The following SLC45A4 variants were observed in gnomAD, a reference collection of about 807,000 sequenced individuals.
SLC45A4 encodes polyamine-transporter SLC45A4.
Under a neutral mutation model 63.7 loss-of-function variants are expected in SLC45A4, and 32 were observed. That is an observed-to-expected ratio of 0.50 (90% CI 0.38 to 0.67). SLC45A4 has a LOEUF of 0.67. SLC45A4 is among the 30% of genes least tolerant of loss of function. SLC45A4 has a pLI of 0.00. For missense variants in SLC45A4, 1,027 were observed against 1,157.7 expected (o/e 0.89, Z 1.64); for synonymous variants, 535 against 510.0 (o/e 1.05, Z -0.66).
intron 1 of SLC45A4, among the ~76,000 whole-genome samples, chr8:141,307,407 C>A (rs1339045364): frequency 6.6e-6 from 1 of 152,106 alleles, no homozygotes; most frequent in African/African-American, 2.4e-5. Flanking sequence ...GAGCGCAGTG[C>A]CGATGAGACC....
intron 1 of SLC45A4, among the ~76,000 whole-genome samples, chr8:141,289,098 C>T (rs1319662029): frequency 6.6e-6 from 1 of 152,122 alleles, no homozygotes; most frequent in East Asian, 1.9e-4. Flanking sequence ...GCCAGGTGCG[C>T]GATGGAGTCA....
intron 2 of SLC45A4, among the ~76,000 whole-genome samples, chr8:141,232,840 T>C (rs1827434363): frequency 6.6e-6 from 1 of 152,230 alleles, no homozygotes; most frequent in Non-Finnish European, 1.5e-5. Flanking sequence ...ACGCACTCAA[T>C]GGCTCCCGGG....
At chr8:141,213,702 A>G (rs1213020864) in intron 7 of SLC45A4, among the ~76,000 whole-genome samples, 2 of 152,260 alleles carry the variant, frequency 1.3e-5, no homozygotes, top group East Asian at 1.9e-4. Context: ...TGAACGCGCA[A>G]GCACGCGGAC....
At chr8:141,253,693 G>A (rs1479456897) in intron 2 of SLC45A4, among the ~76,000 whole-genome samples, 1 of 152,202 alleles carries the variant, frequency 6.6e-6, no homozygotes, top group East Asian at 1.9e-4. Flanking sequence ...CGGGAGAGGT[G>A]AGCCCCGGCC....
At chr8:141,296,704 C>A (rs1210381939) in intron 1 of SLC45A4, among the ~76,000 whole-genome samples, 1 of 149,442 alleles carries the variant, frequency 6.7e-6, no homozygotes, top group African/African-American at 2.5e-5. Context: ...GGTGTGGTGG[C>A]GCACACCTGT....
At chr8:141,269,199 C>T (rs111253689) in intron 1 of SLC45A4, among the ~76,000 whole-genome samples, 2 of 152,262 alleles carry the variant, frequency 1.3e-5, no homozygotes, top group African/African-American at 4.8e-5. Context: ...CGCTTTCACC[C>T]TCAAGAGTGT....
Position 141,215,494 on chromosome 8 carries a change from C to A in SLC45A4, c.1941+265G>T, listed in dbSNP as rs1222867636. ...ACTGGGCCTGAGGGGACCAAAGGGG[C>A]AGGGACAGTGCTTTTGCCTCCAGAA... is the stretch of plus-strand genomic sequence containing the variant. On this transcript the variant is annotated intron_variant, in intron 7 of 8. Transcript: ENST00000517878. The surrounding 1 kb of genome is among the most constrained non-coding windows in gnomAD (Gnocchi z 4.3). 6.6e-6 allele frequency among the ~76,000 whole-genome samples: 1 copy of A among 151,822 alleles called. No homozygotes were observed. The highest frequency in any genetic ancestry group is 1.5e-5 in the Non-Finnish European group (1 of 67,984).
At chr8:141,284,485 C>T (rs1461049464) in intron 1 of SLC45A4, among the ~76,000 whole-genome samples, 3 of 152,252 alleles carry the variant, frequency 2.0e-5, no homozygotes, top group African/African-American at 7.2e-5. Flanking sequence ...AAAAATGTTT[C>T]TCCCAGGAGG....
intron 1 of SLC45A4, among the ~76,000 whole-genome samples, chr8:141,268,014 A>T (rs780641957): frequency 3.3e-5 from 5 of 152,234 alleles, no homozygotes; most frequent in Non-Finnish European, 7.3e-5. Flanking sequence ...CTGTGCTCAG[A>T]TGTGAGAGCC....
chr8:141,266,071 A>T (rs944772699), intron 1 of SLC45A4, among the ~76,000 whole-genome samples: 9 of 152,200 alleles, frequency 5.9e-5, no homozygotes, highest in Admixed American at 4.6e-4. Context: ...CTGCTGACAC[A>T]CACCTCAAGC....
In SLC45A4 at chr8:141,209,560, A is replaced by C. The variant is rs1254238095; in HGVS notation, c.*2012T>G. 6.6e-6 allele frequency: 1 copy of C among 152,384 alleles called. No homozygotes were observed. The highest frequency in any genetic ancestry group is 1.5e-5 in the Non-Finnish European group (1 of 68,180). The allele number at this position is 152,384 out of a possible 1,614,324, so 9.4% of individuals were successfully genotyped here. ...TGCGGTCCCCTCATTTGGGCTCTGC[A>C]CACTGACCTGCACACTAAGAAGGGC... On this transcript the variant is annotated 3_prime_UTR_variant, in exon 9 of 9. Coordinates refer to ENST00000517878, the MANE Select transcript of SLC45A4 (RefSeq NM_001286646.2).
intron 1 of SLC45A4, among the ~76,000 whole-genome samples, chr8:141,268,349 C>T (rs1829367024): frequency 6.6e-6 from 1 of 152,156 alleles, no homozygotes; most frequent in South Asian, 2.1e-4. Flanking sequence ...AGTGGAACTA[C>T]TCTGTATGGC....
At position 141,258,895 on chromosome 8, in the gene SLC45A4, A is replaced by T. The variant is rs552647611; in HGVS notation, c.-400-4266T>A. 6.2e-3 allele frequency among the ~76,000 whole-genome samples: 922 copies of T among 149,800 alleles called. 12 individuals carry two copies. Among genetic ancestry groups the T allele is most frequent in the African/African-American group, 0.021 (834 of 40,442 alleles). ...GACACAGTGAGACCTCTTTTTTTTA[A>T]AAAAAAAAAAAACAGACTCTAAAAC... is the stretch of plus-strand genomic sequence containing the variant. On this transcript the variant is annotated intron_variant, in intron 1 of 8. Coordinates refer to ENST00000517878, the MANE Select transcript of SLC45A4 (RefSeq NM_001286646.2).
intron 7 of SLC45A4, among the ~76,000 whole-genome samples, chr8:141,213,651 C>A (rs1450264859): frequency 6.6e-6 from 1 of 152,196 alleles, no homozygotes; most frequent in African/African-American, 2.4e-5. Context: ...GCAAATTAAA[C>A]CAAGACATAA....
At position 141,229,880 on chromosome 8, in the gene SLC45A4, C is replaced by T. The variant is rs747194016; in HGVS notation, c.242-8115G>A. Among the ~76,000 whole-genome samples the T allele has an allele frequency of 7.2e-5, 11 of 152,104 alleles. No individual in the cohort carries two copies. Among genetic ancestry groups the T allele is most frequent in the East Asian group, 1.9e-4 (1 of 5,184 alleles). On this transcript the variant is annotated intron_variant, in intron 2 of 8. Coordinates refer to ENST00000517878, the MANE Select transcript of SLC45A4 (RefSeq NM_001286646.2). This position sits in a 1 kb window ranked among gnomAD's most constrained non-coding sequence, Gnocchi z 5.0. ...GTGCTGCCCTGCATGTAAAGGGGCA[C>T]GCTGGGAAAGGTGGGCATTATGGAG...
chr8:141,216,607 G>A (rs1368193408), intron 6 of SLC45A4, among the ~76,000 whole-genome samples: 1 of 152,186 alleles, frequency 6.6e-6, no homozygotes, highest in Non-Finnish European at 1.5e-5. Flanking sequence ...GTCCAGGCAG[G>A]CCAGCCCGAT....
intron 1 of SLC45A4, among the ~76,000 whole-genome samples, chr8:141,299,678 T>C (rs1435741790): frequency 6.6e-6 from 1 of 152,210 alleles, no homozygotes; most frequent in Non-Finnish European, 1.5e-5. Context: ...GCAGTTATTC[T>C]AGTACTCCTG....
At chr8:141,287,615 A>G (rs1830196879) in intron 1 of SLC45A4, among the ~76,000 whole-genome samples, 1 of 152,208 alleles carries the variant, frequency 6.6e-6, no homozygotes, top group Admixed American at 6.5e-5. Flanking sequence ...GCTTAAAAGG[A>G]TCTTCTGTGC....
chr8:141,244,841 C>T (rs142496844), intron 2 of SLC45A4, among the ~76,000 whole-genome samples: 29 of 151,944 alleles, frequency 1.9e-4, no homozygotes, highest in Middle Eastern at 3.4e-3. Flanking sequence ...AGGGCAGAGC[C>T]GGAAACCAGG....
Sources: gnomAD v4.1 joint callset for allele counts (sites outside exome capture counted in the v4.1 genomes callset) on GRCh38, gnomAD v4.1.1 for gene constraint, Gnocchi (gnomAD v3.1) non-coding constraint, MANE v1.5 for transcripts, NCBI Gene and HGNC (gene_info 2026-07-23, HGNC 2026-07-21) for gene names.